The following ZNF627 variants were observed in gnomAD, a reference collection of about 807,000 sequenced individuals.
ZNF627 encodes zinc finger protein 627.
Under a neutral mutation model 10.6 loss-of-function variants are expected in ZNF627, and 12 were observed. The observed-to-expected ratio is 1.13, with a 90% CI of 0.73 to 1.84. The LOEUF (loss-of-function observed/expected upper bound fraction) is 1.84, where lower values mean the gene tolerates loss of function less well. Among genes scored for constraint, ZNF627 ranks in the 40% most tolerant of loss-of-function variants. ZNF627 has a pLI of 0.00. For missense variants in ZNF627, 504 were observed against 568.4 expected, an observed-to-expected ratio of 0.89 and a Z score of 1.15; for synonymous variants, 176 against 187.1, an observed-to-expected ratio of 0.94 and a Z score of 0.48.
chr19:11,617,096 A>G lies in ZNF627; in HGVS notation c.593A>G (p.Lys198Arg), dbSNP rs1973884019. 8.1e-6 allele frequency: 13 copies of G among 1,614,022 alleles called. No individual in the cohort carries two copies. Among genetic ancestry groups the G allele is most frequent in the Admixed American group, 1.7e-5 (1 of 59,992 alleles). Residue 198 changes from lysine to arginine, a missense_variant, in exon 4 of 4, where the codon AAG (lysine) becomes AGG (arginine). Coordinates refer to ENST00000361113, the MANE Select transcript of ZNF627 (RefSeq NM_145295.4). ...AGGGGAGGTGTACCTTACAAATGTA[A>G]GGTGTGTGGGAAAGCCTTTGATTAT... ...THRGGVPYKC[K>R]VCGKAFDYPS... is the part of the protein sequence containing the mutation.
intron 1 of ZNF627, among the ~76,000 whole-genome samples, chr19:11,612,455 A>C (rs531718053): frequency 1.6e-5 from 2 of 124,130 alleles, no homozygotes; most frequent in Admixed American, 8.6e-5. Flanking sequence ...ACAGAGTCTC[A>C]CTGTCATCTA....
chr19:11,611,286 T>C (rs1238388913), intron 1 of ZNF627, among the ~76,000 whole-genome samples: 3 of 152,098 alleles, frequency 2.0e-5, no homozygotes, highest in African/African-American at 7.2e-5. Flanking sequence ...TTTTTACAAT[T>C]CCCTGGTTGC....
intron 3 of ZNF627, among the ~76,000 whole-genome samples, chr19:11,615,733 T>TTTTG (rs1973855646): frequency 6.7e-6 from 1 of 150,102 alleles, no homozygotes; most frequent in Non-Finnish European, 1.5e-5. Flanking sequence ...TTTTTTTTTT[T>TTTTG]GAGAGGGAAT....
In ZNF627 at chr19:11,597,634, C is replaced by T. The variant is rs961609090; in HGVS notation, c.3+4C>T. The T allele has an allele frequency of 7.5e-7, 1 of 1,335,698 alleles. No homozygotes were observed. Among genetic ancestry groups the T allele is most frequent in the Non-Finnish European group, 9.6e-7 (1 of 1,036,386 alleles). 82.7% of individuals were successfully genotyped at this position (1,335,698 alleles called of 1,614,324 possible). A position where few individuals can be genotyped will look rare whatever the true frequency, so the allele number is the denominator to read the frequency against. ...GACACCTGGAAGCCGAGAAATGGTGCGTGTGAGGGGTCAGGCGTCCCCAGA... is the reference window on the plus strand; with the variant it reads ...GACACCTGGAAGCCGAGAAATGGTGTGTGTGAGGGGTCAGGCGTCCCCAGA... On this transcript the variant is annotated splice_donor_region_variant and intron_variant, in intron 1 of 3. Transcript: ENST00000361113.
chr19:11,617,442 G>A lies in ZNF627; in HGVS notation c.939G>A (p.Gly313=), dbSNP rs143884853. The part of the protein sequence containing the change: ...GEKLFECKEC[G]KALTCLASVR... ...AACTTTTTGAATGTAAGGAATGCGG[G>A]AAGGCTTTGACTTGTCTTGCAAGTG... Residue 313 remains glycine, a synonymous_variant, in exon 4 of 4, where the codon GGG becomes GGA. Coordinates refer to ENST00000361113, the MANE Select transcript of ZNF627 (RefSeq NM_145295.4). 15,041 of 1,613,870 alleles carry A rather than the reference G, an allele frequency of 9.3e-3. 84 individuals are homozygous for A. The highest frequency in any genetic ancestry group is 0.012 in the Non-Finnish European group (13,731 of 1,180,006).
intron 1 of ZNF627, among the ~76,000 whole-genome samples, chr19:11,612,510 G>T (rs1017655094): frequency 1.4e-5 from 2 of 144,008 alleles, no homozygotes; most frequent in Non-Finnish European, 3.0e-5. Flanking sequence ...CAACCTCTGC[G>T]TGCTGGGTTC....
In ZNF627 at chr19:11,618,034, T is replaced by A; in HGVS notation, c.*145T>A. The A allele has an allele frequency of 1.5e-6, 1 of 646,414 alleles. No homozygotes were observed. The highest frequency in any genetic ancestry group is 2.5e-6 in the Non-Finnish European group (1 of 403,802). 40.0% of individuals were successfully genotyped at this position (646,414 alleles called of 1,614,324 possible). A position where few individuals can be genotyped will look rare whatever the true frequency, so the allele number is the denominator to read the frequency against. On this transcript the variant is annotated 3_prime_UTR_variant, in exon 4 of 4. Transcript: ENST00000361113. ...TAATTGGCTTTAAATTACGAGAGAC[T>A]TGTGATAGGACAGTAAAACCTAGAG... is the stretch of plus-strand genomic sequence containing the variant.
rs751573167 is a variant in ZNF627, at chr19:11,617,341, G to C, written c.838G>C (p.Glu280Gln). 6.2e-7 allele frequency: 1 copy of C among 1,613,778 alleles called. No individual in the cohort carries two copies. The highest frequency in any genetic ancestry group is 2.2e-5 in the East Asian group (1 of 44,850). ...AACTCACACAGGAGAGAAACCCTACGAATGTAAACAGTGCGGTAAAGCCTT... is the reference window on the plus strand; with the variant it reads ...AACTCACACAGGAGAGAAACCCTACCAATGTAAACAGTGCGGTAAAGCCTT... ...ERTHTGEKPY[E>Q]CKQCGKAFRC... The change falls in exon 4 of 4, where the codon GAA (glutamate) becomes CAA (glutamine). Residue 280 changes from glutamate to glutamine, a missense_variant. Transcript: ENST00000361113.
At chr19:11,600,372 G>A (rs1012899862) in intron 1 of ZNF627, among the ~76,000 whole-genome samples, 8 of 151,922 alleles carry the variant, frequency 5.3e-5, no homozygotes, top group South Asian at 4.2e-4. Context: ...CCTGGGAGGC[G>A]GAGCTTGCAG....
intron 1 of ZNF627, among the ~76,000 whole-genome samples, chr19:11,606,687 C>G (rs1400717117): frequency 6.6e-6 from 1 of 152,226 alleles, no homozygotes; most frequent in Non-Finnish European, 1.5e-5. Flanking sequence ...TCCATGAGGG[C>G]TCCGCCCCTG....
At chr19:11,599,682 G>C (rs906958743) in intron 1 of ZNF627, among the ~76,000 whole-genome samples, 3 of 152,142 alleles carry the variant, frequency 2.0e-5, no homozygotes, top group East Asian at 3.9e-4. Context: ...GAGGTGGGCG[G>C]ATCACTTGAG....
rs1973623274 is a variant in ZNF627 at position 11,603,484 on chromosome 19, G to T, written c.3+5854G>T. ...TTTTTTTTTGTGGAGGCGGGGTTTT[G>T]CCATGCTGTCTAAGCTGGTCTTGAA... On this transcript the variant is annotated intron_variant, in intron 1 of 3. Transcript: ENST00000361113. 2.0e-5 allele frequency among the ~76,000 whole-genome samples: 3 copies of T among 150,708 alleles called. No individual in the cohort carries two copies. In the South Asian group the frequency reaches 6.3e-4, roughly 31 times the overall value.
chr19:11,607,397 AGGTGCT>A (rs1973693525), intron 1 of ZNF627, among the ~76,000 whole-genome samples: 1 of 151,660 alleles, frequency 6.6e-6, no homozygotes, highest in South Asian at 2.1e-4. Context: ...CAGCCTCCCA[AGGTGCT>A]GGATTACAGG....
intron 1 of ZNF627, among the ~76,000 whole-genome samples, chr19:11,610,460 G>C (rs189693679): frequency 9.3e-4 from 141 of 152,158 alleles, no homozygotes; most frequent in East Asian, 6.6e-3. Context: ...AAAACAGTCA[G>C]ATGTGGTAGT....
intron 1 of ZNF627, among the ~76,000 whole-genome samples, chr19:11,603,790 A>G (rs1242114165): frequency 2.6e-5 from 4 of 151,966 alleles, no homozygotes; most frequent in Non-Finnish European, 2.9e-5. Flanking sequence ...TCTCCTCCAC[A>G]GGTGATTGTT....
rs762989475 is a variant in ZNF627 at position 11,616,788 on chromosome 19, T to A, written c.285T>A (p.Thr95=). 1 of 1,613,978 alleles carries A rather than the reference T, an allele frequency of 6.2e-7. No homozygotes were observed. The highest frequency in any genetic ancestry group is 1.1e-5 in the South Asian group (1 of 91,068). Residue 95 remains threonine, a synonymous_variant, in exon 4 of 4, where the codon ACT becomes ACA. Coordinates refer to ENST00000361113, the MANE Select transcript of ZNF627 (RefSeq NM_145295.4). ...QIPDGILNKK[T]PGVKPCESSV... Reference sequence around the variant, plus strand: ...CAGATGGTATTCTGAACAAGAAAACTCCTGGAGTAAAACCGTGTGAAAGCA... The same window carrying A: ...CAGATGGTATTCTGAACAAGAAAACACCTGGAGTAAAACCGTGTGAAAGCA...
rs1973911848 is a variant in ZNF627, at chr19:11,618,109, A to G, written c.*220A>G. 6.6e-6 allele frequency: 3 copies of G among 452,730 alleles called. No individual in the cohort carries two copies. In the East Asian group the frequency reaches 1.0e-4, roughly 15 times the overall value. 28.0% of individuals were successfully genotyped at this position (452,730 alleles called of 1,614,324 possible). On this transcript the variant is annotated 3_prime_UTR_variant, in exon 4 of 4. Coordinates refer to ENST00000361113, the MANE Select transcript of ZNF627 (RefSeq NM_145295.4). ...TTATGTCAGTGTTGGTAGGTTAGGA[A>G]CTAGATTTCCCAGAATCCATTCCAT...
chr19:11,597,605 C>T lies in ZNF627; in HGVS notation c.-23C>T. 1 of 1,328,978 alleles carries T rather than the reference C, an allele frequency of 7.5e-7. No homozygotes were observed. Among genetic ancestry groups the T allele is most frequent in the Non-Finnish European group, 9.7e-7 (1 of 1,031,970 alleles). The allele number at this position is 1,328,978 out of a possible 1,614,324, so 82.3% of individuals were successfully genotyped here. ...GGTCGCGGGAGTCGTAGGGAGGACG[C>T]CGGGACACCTGGAAGCCGAGAAATG... On this transcript the variant is annotated 5_prime_UTR_variant, in exon 1 of 4. Transcript: ENST00000361113.
At chr19:11,600,265 C>G (rs1973562085) in intron 1 of ZNF627, among the ~76,000 whole-genome samples, 1 of 151,856 alleles carries the variant, frequency 6.6e-6, no homozygotes, top group Non-Finnish European at 1.5e-5. Flanking sequence ...ACAGTGAAAC[C>G]CTGTCTCTAC....
Sources: gnomAD v4.1 joint callset for allele counts (sites outside exome capture counted in the v4.1 genomes callset) on GRCh38, gnomAD v4.1.1 for gene constraint, MANE v1.5 for transcripts, NCBI Gene and HGNC (gene_info 2026-07-23, HGNC 2026-07-21) for gene names.